The following ABLIM1 variants were observed in gnomAD, a reference collection of about 807,000 sequenced individuals.
The protein encoded by ABLIM1 is actin binding LIM protein 1, also known as actin-binding LIM protein 1.
In ABLIM1, 40 loss-of-function variants were observed where a neutral mutation model predicts 107.0. The observed-to-expected ratio is 0.37, with a 90% CI of 0.29 to 0.49. ABLIM1 has a LOEUF of 0.49. Ranked by LOEUF, ABLIM1 falls within the 20% of genes least tolerant of loss-of-function variation. The probability of loss-of-function intolerance (pLI) is 0.97; values close to 1 mark genes in which losing one functional copy is unlikely to be tolerated. For synonymous variants in ABLIM1, 357 were observed against 357.3 expected, an observed-to-expected ratio of 1.00 and a Z score of 0.01; for missense variants, 857 against 1,008.5, an observed-to-expected ratio of 0.85 and a Z score of 2.04.
At chr10:114,705,949 GAT>G (rs1214730795) in intron 1 of ABLIM1, among the ~76,000 whole-genome samples, 4 of 152,162 alleles carry the variant, frequency 2.6e-5, no homozygotes, top group Non-Finnish European at 4.4e-5. Context: ...ATAGGCAACA[GAT>G]CAGGTTTATC....
intron 1 of ABLIM1, among the ~76,000 whole-genome samples, chr10:114,626,056 G>C (rs1397877808): frequency 3.9e-5 from 6 of 152,174 alleles, no homozygotes; most frequent in African/African-American, 1.2e-4. Context: ...GACTTGAGGA[G>C]AACCCCGCAT....
At chr10:114,639,806 A>G (rs1463398455) in intron 1 of ABLIM1, among the ~76,000 whole-genome samples, 6 of 152,210 alleles carry the variant, frequency 3.9e-5, no homozygotes, top group African/African-American at 1.4e-4. Flanking sequence ...TGAACAGATG[A>G]GATGCGTGCA....
At chr10:114,465,960 T>A in intron 11 of ABLIM1, 133 bp from the exon 12 acceptor site, 1 of 1,044,648 alleles carries the variant, frequency 9.6e-7, no homozygotes, top group South Asian at 1.8e-5. Context: ...TATTTTTATG[T>A]GCAAATTTTG....
intron 1 of ABLIM1, among the ~76,000 whole-genome samples, chr10:114,630,847 T>C (rs61867919): frequency 0.089 from 13,501 of 152,198 alleles, 1,399 homozygotes; most frequent in African/African-American, 0.25. Flanking sequence ...TAAAGAGTGG[T>C]TATTTACATT....
chr10:114,647,224 G>C (rs2497699), intron 1 of ABLIM1, among the ~76,000 whole-genome samples: 3,254 of 146,012 alleles, frequency 0.022, 104 homozygotes, highest in African/African-American at 0.085. Flanking sequence ...GTCTTGAACT[G>C]CTGACCTCAG....
In ABLIM1 at chr10:114,437,933, A is replaced by G. The variant is rs1233258758; in HGVS notation, c.2143-9T>C. 6.2e-7 allele frequency: 1 copy of G among 1,611,288 alleles called. No homozygotes were observed. Among genetic ancestry groups the G allele is most frequent in the East Asian group, 2.2e-5 (1 of 44,858 alleles). ...ATTTCATATGGAAATATCTGAGAAG[A>G]AAGAAAACACCTCTTCTAGAACACC... is the stretch of plus-strand genomic sequence containing the variant. On this transcript the variant is annotated splice_polypyrimidine_tract_variant and intron_variant, in intron 21 of 22. Transcript: ENST00000533213.
At chr10:114,751,750 A>C (rs1308640275) in intron 1 of ABLIM1, among the ~76,000 whole-genome samples, 6,432 of 29,022 alleles carry the variant, frequency 0.22, 187 homozygotes, top group African/African-American at 0.25. Flanking sequence ...CTCTGTCTCA[A>C]AAAAAAAAAA....
At chr10:114,541,148 A>C (rs1389204294) in intron 6 of ABLIM1, among the ~76,000 whole-genome samples, 1 of 152,120 alleles carries the variant, frequency 6.6e-6, no homozygotes, top group Non-Finnish European at 1.5e-5. Flanking sequence ...GAGCCATCGG[A>C]AACTGGGAGA....
At chr10:114,795,565 C>T in the ABLIM1 span, among the ~76,000 whole-genome samples, 490 of 152,148 alleles carry the variant, frequency 3.2e-3, 2 homozygotes, top group African/African-American at 0.011. Flanking sequence ...AAAAACTAGC[C>T]AGGCGTGGTG....
intron 12 of ABLIM1, among the ~76,000 whole-genome samples, chr10:114,456,771 C>A (rs2062894714): frequency 6.6e-6 from 1 of 152,134 alleles, no homozygotes; most frequent in Non-Finnish European, 1.5e-5. Context: ...CCTGTAGAAG[C>A]CCCTCACTTC....
At chr10:114,769,944 A>G (rs1227689489), upstream of ABLIM1, among the ~76,000 whole-genome samples, 1 of 152,102 alleles carries the variant, frequency 6.6e-6, no homozygotes, top group Non-Finnish European at 1.5e-5. Context: ...TTCAATCTCA[A>G]AACAACTCTC....
At chr10:114,634,749 C>G (rs2078393228) in intron 1 of ABLIM1, among the ~76,000 whole-genome samples, 1 of 152,098 alleles carries the variant, frequency 6.6e-6, no homozygotes, top group African/African-American at 2.4e-5. Context: ...TCACCAGCAT[C>G]TAGTTGCTAA....
chr10:114,673,896 T>C (rs535338448), intron 1 of ABLIM1, among the ~76,000 whole-genome samples: 35 of 152,180 alleles, frequency 2.3e-4, no homozygotes, highest in African/African-American at 8.4e-4. Context: ...TAAAAGACTA[T>C]TGAGAAGAGA....
chr10:114,687,847 A>G (rs1566240034), upstream of ABLIM1, among the ~76,000 whole-genome samples: 1 of 152,256 alleles, frequency 6.6e-6, no homozygotes, highest in Non-Finnish European at 1.5e-5. Context: ...GTCAGATTCA[A>G]TAAGGAAGAA....
chr10:114,621,447 A>G (rs979563555), intron 1 of ABLIM1, among the ~76,000 whole-genome samples: 59 of 152,192 alleles, frequency 3.9e-4, no homozygotes, highest in African/African-American at 1.4e-3. Context: ...CACCTCATTC[A>G]TTCACTTATT....
chr10:114,723,437 C>T (rs1357691062), intron 1 of ABLIM1, among the ~76,000 whole-genome samples: 1 of 152,172 alleles, frequency 6.6e-6, no homozygotes, highest in Non-Finnish European at 1.5e-5. Flanking sequence ...TAAATAAAAG[C>T]ATGGGCTACT....
In ABLIM1 at chr10:114,668,065, G is replaced by T. The variant is rs533968916; in HGVS notation, c.64+16225C>A. ...GGGTCCTTCGAGGTAGGCAGTACTAGGGGATGGGCAGACTTCAGGTTGCAT... is the reference window on the plus strand; with the variant it reads ...GGGTCCTTCGAGGTAGGCAGTACTATGGGATGGGCAGACTTCAGGTTGCAT... On this transcript the variant is annotated intron_variant, in intron 1 of 23. Transcript: ENST00000369256. Among the ~76,000 whole-genome samples the T allele has an allele frequency of 8.8e-4, 134 of 152,004 alleles. 1 individual carries two copies. Among genetic ancestry groups the T allele is most frequent in the Middle Eastern group, 6.8e-3 (2 of 294 alleles).
chr10:114,683,800 C>T (rs1381291622), intron 1 of ABLIM1, among the ~76,000 whole-genome samples: 3 of 152,198 alleles, frequency 2.0e-5, no homozygotes, highest in East Asian at 1.9e-4. Flanking sequence ...TGTTGGCTGT[C>T]GGCCCCTGGG....
intron 4 of ABLIM1, among the ~76,000 whole-genome samples, chr10:114,549,836 G>T (rs879756341): frequency 3.3e-5 from 5 of 152,110 alleles, no homozygotes; most frequent in Admixed American, 6.6e-5. Flanking sequence ...AATAGATCAA[G>T]TAAAAAAAGC....
Sources: gnomAD v4.1 joint callset for allele counts (sites outside exome capture counted in the v4.1 genomes callset) on GRCh38, gnomAD v4.1.1 for gene constraint, MANE v1.5 for transcripts, NCBI Gene and HGNC (gene_info 2026-07-23, HGNC 2026-07-21) for gene names.